NCAM2: variants seen among roughly 807,000 people sequenced by gnomAD.
NCAM2 encodes the protein N-CAM-2.
NCAM2 carries 30 observed loss-of-function variants against 98.1 expected under a neutral mutation model. The observed-to-expected ratio is 0.31, with a 90% CI of 0.23 to 0.41. NCAM2 has a LOEUF of 0.41. NCAM2 is among the 10% of genes least tolerant of loss of function. NCAM2 has a pLI of 1.00. For synonymous variants in NCAM2, 368 were observed against 342.4 expected (o/e 1.07, Z -0.83); for missense variants, 867 against 1,005.8 (o/e 0.86, Z 1.87).
At chr21:21,131,988 C>G (rs769627156) in intron 1 of NCAM2, among the ~76,000 whole-genome samples, 1 of 152,168 alleles carries the variant, frequency 6.6e-6, no homozygotes, top group South Asian at 2.1e-4. Context: ...TTCTGTGGAT[C>G]AGAAATTTGA....
At chr21:21,415,415 A>G (rs906048457) in intron 10 of NCAM2, among the ~76,000 whole-genome samples, 1 of 139,578 alleles carries the variant, frequency 7.2e-6, no homozygotes, top group African/African-American at 2.7e-5. Context: ...GGCTCAGTGC[A>G]AGCTCTGCCT....
At chr21:21,346,683 T>C (rs2075198624) in intron 8 of NCAM2, among the ~76,000 whole-genome samples, 1 of 152,074 alleles carries the variant, frequency 6.6e-6, no homozygotes, top group African/African-American at 2.4e-5. Flanking sequence ...GCATCCTCTC[T>C]GACCACAATG....
intron 1 of NCAM2, among the ~76,000 whole-genome samples, chr21:21,275,634 A>G (rs921697807): frequency 6.6e-6 from 1 of 152,136 alleles, no homozygotes; most frequent in African/African-American, 2.4e-5. Flanking sequence ...CAACAGAGGT[A>G]GAAAATCTTA....
chr21:21,445,007 T>C (rs1406308674), intron 12 of NCAM2, among the ~76,000 whole-genome samples: 1 of 152,204 alleles, frequency 6.6e-6, no homozygotes, highest in African/African-American at 2.4e-5. Flanking sequence ...GCTTTAGCTG[T>C]GTCCTAGAGA....
intron 5 of NCAM2, among the ~76,000 whole-genome samples, chr21:21,309,525 GA>G (rs766986358): frequency 6.6e-6 from 1 of 152,126 alleles, no homozygotes; most frequent in Non-Finnish European, 1.5e-5. Flanking sequence ...TTTGAGCTTG[GA>G]AGTTGTTCCT....
chr21:21,291,898 GAA>G (rs10547647), intron 4 of NCAM2, among the ~76,000 whole-genome samples: 2,917 of 146,048 alleles, frequency 0.02, 67 homozygotes, highest in African/African-American at 0.057. Context: ...ATTCTTTTAG[GAA>G]AAAAAAAAAG....
At chr21:21,107,787 C>T (rs138647222) in intron 1 of NCAM2, among the ~76,000 whole-genome samples, 1 of 152,146 alleles carries the variant, frequency 6.6e-6, no homozygotes, top group East Asian at 1.9e-4. Context: ...ATCTGTTTGA[C>T]ACTACCCAGT....
intron 16 of NCAM2, among the ~76,000 whole-genome samples, chr21:21,512,088 G>C (rs962762425): frequency 1.3e-4 from 19 of 151,830 alleles, no homozygotes; most frequent in Admixed American, 1.3e-4. Flanking sequence ...GTGTTCAGAA[G>C]TTTTTCAGCT....
intron 12 of NCAM2, among the ~76,000 whole-genome samples, chr21:21,462,991 G>C (rs1983190042): frequency 6.6e-6 from 1 of 152,050 alleles, no homozygotes; most frequent in Non-Finnish European, 1.5e-5. Context: ...TACAAGGCAA[G>C]AACCCATCCC....
chr21:21,143,820 T>TC (rs1555890550), intron 1 of NCAM2, among the ~76,000 whole-genome samples: 7 of 150,136 alleles, frequency 4.7e-5, no homozygotes, highest in African/African-American at 9.8e-5. Flanking sequence ...TTTTTTTTTT[T>TC]CCAGCAGTTA....
At chr21:21,411,318 T>G (rs1338495967) in intron 10 of NCAM2, among the ~76,000 whole-genome samples, 1 of 149,752 alleles carries the variant, frequency 6.7e-6, no homozygotes, top group East Asian at 2.0e-4. Context: ...TTTCATTGAT[T>G]CCATGTGGTA....
At position 21,097,485 on chromosome 21, in the gene NCAM2, C is replaced by T. The variant is rs1173739269; in HGVS notation, c.55+98867C>T. Among the ~76,000 whole-genome samples the T allele has an allele frequency of 2.0e-5, 3 of 151,482 alleles. No individual in the cohort carries two copies. In the Admixed American group the frequency reaches 2.0e-4, roughly 10 times the overall value. The stretch of plus-strand genomic sequence containing the variant: ...TTATTATATGTGGACAAATGTAAAA[C>T]TACATATTTTTTTAACAGAGATACA... On this transcript the variant is annotated intron_variant, in intron 1 of 17. Transcript: ENST00000400546.
At chr21:21,187,730 C>G (rs1433704393) in intron 1 of NCAM2, among the ~76,000 whole-genome samples, 1 of 152,130 alleles carries the variant, frequency 6.6e-6, no homozygotes, top group Non-Finnish European at 1.5e-5. Context: ...ATTACACCAT[C>G]CCAGTTTGTA....
At chr21:21,475,600 AC>A (rs1238390210) in intron 14 of NCAM2, among the ~76,000 whole-genome samples, 1 of 152,204 alleles carries the variant, frequency 6.6e-6, no homozygotes, top group Non-Finnish European at 1.5e-5. Context: ...TAGAAAAGTT[AC>A]AACCTCTCTT....
At position 21,106,251 on chromosome 21, in the gene NCAM2, C is replaced by T. The variant is rs187550434; in HGVS notation, c.55+107633C>T. Among the ~76,000 whole-genome samples, 30 of 146,206 alleles carry T rather than the reference C, an allele frequency of 2.1e-4. No individual in the cohort carries two copies. In the East Asian group the frequency reaches 5.5e-3, roughly 27 times the overall value. On this transcript the variant is annotated intron_variant, in intron 1 of 17. Coordinates refer to ENST00000400546, the MANE Select transcript of NCAM2 (RefSeq NM_004540.5). ...TGAGCCCAGGTGTTCCAGGCTGCAG[C>T]GAGCTGTGTTTGCACCTCTGCACTC...
intron 1 of NCAM2, among the ~76,000 whole-genome samples, chr21:21,057,850 A>G (rs2065243700): frequency 6.6e-6 from 1 of 151,840 alleles, no homozygotes; most frequent in Non-Finnish European, 1.5e-5. Context: ...TATTTCTTCA[A>G]ATTCTGACCT....
rs550136798 is a variant in NCAM2, at chr21:21,515,481, G to A, written c.2282+6426G>A. Among the ~76,000 whole-genome samples, 12 of 152,214 alleles carry A rather than the reference G, an allele frequency of 7.9e-5. No homozygotes were observed. The South Asian group carries it at 2.5e-3, about 32-fold the overall frequency. The stretch of plus-strand genomic sequence containing the variant: ...TCATGAAACATAGTGAAATCATCAA[G>A]ATAGTCTCTAAATTTTAAACATAAT... On this transcript the variant is annotated intron_variant, in intron 16 of 17. Transcript: ENST00000400546.
intron 16 of NCAM2, 116 bp from the exon 17 acceptor site, chr21:21,534,421 A>T (rs1233797507): frequency 1.2e-6 from 1 of 852,980 alleles, no homozygotes; most frequent in African/African-American, 1.8e-5. Context: ...TCTTAAATTA[A>T]CCAAGTTGGA....
At chr21:21,516,882 T>C (rs571123354) in intron 16 of NCAM2, among the ~76,000 whole-genome samples, 7 of 152,302 alleles carry the variant, frequency 4.6e-5, no homozygotes, top group African/African-American at 1.4e-4. Flanking sequence ...CTCTGTATCA[T>C]CTTTTTTCTC....
Sources: allele counts gnomAD v4.1 joint callset (sites outside exome capture counted in the v4.1 genomes callset), GRCh38; gene constraint gnomAD v4.1.1; transcripts MANE v1.5; gene names NCBI Gene and HGNC (gene_info 2026-07-23, HGNC 2026-07-21).